SLTM: variants seen among roughly 807,000 people sequenced by gnomAD.
SLTM encodes the protein SAFB like transcription modulator.
Under a neutral mutation model 134.6 loss-of-function variants are expected in SLTM, and 43 were observed. That is an observed-to-expected ratio of 0.32 (90% CI 0.25 to 0.41). The LOEUF is 0.41. Ranked by LOEUF, SLTM falls within the 10% of genes least tolerant of loss-of-function variation. The pLI is 1.00. For missense variants in SLTM, 1,055 were observed against 1,288.8 expected, an observed-to-expected ratio of 0.82 and a Z score of 2.78; for synonymous variants, 424 against 432.3, an observed-to-expected ratio of 0.98 and a Z score of 0.24.
chr15:58,894,302 A>T, intron 10 of SLTM, 109 bp from the exon 11 acceptor site: 1 of 1,411,972 alleles, frequency 7.1e-7, no homozygotes, highest in Non-Finnish European at 9.8e-7. Flanking sequence ...AAATATAAGG[A>T]GAGTAAAAAC....
intron 2 of SLTM, among the ~76,000 whole-genome samples, chr15:58,927,394 C>G (rs1167821103): frequency 6.6e-6 from 1 of 152,090 alleles, no homozygotes; most frequent in Non-Finnish European, 1.5e-5. Context: ...CTCGGCCTCC[C>G]AAGTAGCGAG....
chr15:58,886,451 G>C (rs968188216), intron 19 of SLTM, among the ~76,000 whole-genome samples: 10 of 152,020 alleles, frequency 6.6e-5, no homozygotes, highest in Admixed American at 2.0e-4. Flanking sequence ...ATTTTTAGTA[G>C]AGATGGGGTT....
chr15:58,933,349 G>T, intron 1 of SLTM, 55 bp downstream of exon 1: 1 of 1,505,222 alleles, frequency 6.6e-7, no homozygotes, highest in Non-Finnish European at 8.9e-7. Flanking sequence ...GCGGGGCGCC[G>T]AGGCGCGGCC....
Position 58,893,999 on chromosome 15 carries a change from G to C in SLTM, c.1482-12C>G. 1 of 1,600,792 alleles carries C rather than the reference G, an allele frequency of 6.2e-7. No homozygotes were observed. The highest frequency in any genetic ancestry group is 2.2e-5 in the East Asian group (1 of 44,718). On this transcript the variant is annotated splice_polypyrimidine_tract_variant and intron_variant, in intron 11 of 20. Transcript: ENST00000380516. ...CAGAGGCTTGTGTCCTGACCATACC[G>C]CCCCAGACAAAAAAACAGAATGAGT...
At chr15:58,908,453 A>G (rs556364128) in intron 5 of SLTM, among the ~76,000 whole-genome samples, 1 of 151,716 alleles carries the variant, frequency 6.6e-6, no homozygotes, top group South Asian at 2.1e-4. Context: ...TGCAGCCTTG[A>G]CCTCCTGGGG....
chr15:58,915,921 C>T (rs1444311204), intron 3 of SLTM, among the ~76,000 whole-genome samples: 1 of 151,858 alleles, frequency 6.6e-6, no homozygotes, highest in Non-Finnish European at 1.5e-5. Context: ...CCTGCAAATA[C>T]CACAATACTT....
At chr15:58,916,754 C>T (rs1595914858) in intron 3 of SLTM, 181 bp downstream of exon 3, 1 of 482,962 alleles carries the variant, frequency 2.1e-6, no homozygotes, top group East Asian at 3.6e-5. Context: ...AAGTTATTTA[C>T]TATATTTCTC....
intron 3 of SLTM, chr15:58,916,540 T>C (rs1439818535): frequency 6.3e-6 from 1 of 158,134 alleles, no homozygotes; most frequent in Admixed American, 6.4e-5. Context: ...AGGTCTACAT[T>C]AATCTAAGTT....
chr15:58,902,282 G>C (rs1376079190), intron 5 of SLTM, among the ~76,000 whole-genome samples: 3 of 152,080 alleles, frequency 2.0e-5, no homozygotes, highest in African/African-American at 7.2e-5. Context: ...TTGATGCTCA[G>C]GCGGTCTCGA....
At chr15:58,911,216 T>C (rs1336169221) in intron 5 of SLTM, among the ~76,000 whole-genome samples, 1 of 152,180 alleles carries the variant, frequency 6.6e-6, no homozygotes, top group East Asian at 1.9e-4. Flanking sequence ...AGAGGCAATA[T>C]ATAGCCTCAG....
Position 58,894,481 on chromosome 15 carries a change from T to C in SLTM, c.1329A>G (p.Ala443=), listed in dbSNP as rs1486422061. Reference sequence around the variant, plus strand: ...CATGCAGCTCAGTGCGATGAAGATGTGCAATACACCTGGACACCTCTGTGC... The same window carrying C: ...CATGCAGCTCAGTGCGATGAAGATGCGCAATACACCTGGACACCTCTGTGC... ...SSSTEVSRCI[A]HLHRTELHGQ... is the part of the protein sequence containing the mutation. The change falls in exon 10 of 21, where the codon GCA becomes GCG. Residue 443 remains alanine, a synonymous_variant. Transcript: ENST00000380516. The C allele has an allele frequency of 6.2e-7, 1 of 1,614,160 alleles. No homozygotes were observed. The highest frequency in any genetic ancestry group is 1.1e-5 in the South Asian group (1 of 91,088).
chr15:58,880,203 A>G, intron 20 of SLTM, 96 bp from the exon 21 acceptor site: 1 of 1,464,244 alleles, frequency 6.8e-7, no homozygotes, highest in East Asian at 2.5e-5. Context: ...TCCAAAATAA[A>G]TCATTTACTC....
At chr15:58,889,281 G>T in intron 16 of SLTM, 149 bp downstream of exon 16, 1 of 937,414 alleles carries the variant, frequency 1.1e-6, no homozygotes, top group East Asian at 2.7e-5. Context: ...TAGTGCACTG[G>T]GTCTACCCCA....
chr15:58,931,419 T>C (rs1339188509), intron 2 of SLTM, among the ~76,000 whole-genome samples: 1 of 152,226 alleles, frequency 6.6e-6, no homozygotes, highest in Admixed American at 6.5e-5. Context: ...AATCCATTCA[T>C]TTTATTTTAG....
At chr15:58,898,127 G>A (rs1210681697) in intron 8 of SLTM, 1 of 152,008 alleles carries the variant, frequency 6.6e-6, no homozygotes, top group Non-Finnish European at 1.5e-5. Flanking sequence ...GATTTCTAAC[G>A]ATTTAAAATA....
intron 2 of SLTM, 164 bp downstream of exon 2, chr15:58,932,192 C>A (rs1595966540): frequency 1.7e-6 from 1 of 594,952 alleles, no homozygotes; most frequent in East Asian, 2.8e-5. Flanking sequence ...TACAAGTCAC[C>A]CAAAGCCTGG....
intron 3 of SLTM, among the ~76,000 whole-genome samples, chr15:58,915,681 A>G (rs1398273307): frequency 1.3e-5 from 2 of 152,088 alleles, no homozygotes; most frequent in Admixed American, 1.3e-4. Flanking sequence ...ACTCCTCAAC[A>G]AAACATCTTT....
chr15:58,880,807 C>T (rs1247725451), intron 20 of SLTM, among the ~76,000 whole-genome samples: 1 of 152,076 alleles, frequency 6.6e-6, no homozygotes, highest in African/African-American at 2.4e-5. Context: ...CTCAAAAGAT[C>T]TGCCAGCCTT....
At chr15:58,894,663 G>C in intron 9 of SLTM, 81 bp from the exon 10 acceptor site, 2 of 1,223,190 alleles carry the variant, frequency 1.6e-6, no homozygotes, top group Admixed American at 1.8e-5. Flanking sequence ...CTTCACAACT[G>C]AAACTATATA....
Sources: gnomAD v4.1 joint callset for allele counts (sites outside exome capture counted in the v4.1 genomes callset) on GRCh38, gnomAD v4.1.1 for gene constraint, MANE v1.5 for transcripts, NCBI Gene and HGNC (gene_info 2026-07-23, HGNC 2026-07-21) for gene names.